TESC: variants seen among roughly 807,000 people sequenced by gnomAD.
The protein encoded by TESC is tescalcin.
Under a neutral mutation model 31.0 loss-of-function variants are expected in TESC, and 19 were observed. The ratio of observed to expected loss-of-function variants is 0.61; its 90% confidence interval spans 0.43 to 0.90. The LOEUF (loss-of-function observed/expected upper bound fraction) is 0.90, where lower values mean the gene tolerates loss of function less well. TESC is among the 40% of genes least tolerant of loss of function. TESC has a pLI of 0.00. For synonymous variants in TESC, 109 were observed against 114.8 expected (o/e 0.95, Z 0.32); for missense variants, 248 against 303.8 (o/e 0.82, Z 1.36).
intron 1 of TESC, chr12:117,084,040 G>A (rs1955183704): frequency 6.7e-6 from 1 of 149,640 alleles, no homozygotes; most frequent in Admixed American, 6.7e-5. Context: ...GTTGCAGTGA[G>A]CTGAGATAGC....
intron 1 of TESC, among the ~76,000 whole-genome samples, chr12:117,085,583 C>T (rs983633336): frequency 6.6e-6 from 1 of 152,192 alleles, no homozygotes; most frequent in Non-Finnish European, 1.5e-5. Context: ...AGGGGCATCA[C>T]TGGGGGGCTC....
chr12:117,040,690 G>A (rs1166567549), intron 7 of TESC, among the ~76,000 whole-genome samples: 4 of 152,146 alleles, frequency 2.6e-5, no homozygotes, highest in Non-Finnish European at 4.4e-5. Flanking sequence ...TGCCAGCCCC[G>A]GGGTGGGCCA....
At position 117,098,933 on chromosome 12, in the gene TESC, G is replaced by A. The variant is rs917568069; in HGVS notation, c.58+292C>T. Among the ~76,000 whole-genome samples, 19 of 152,056 alleles carry A rather than the reference G, an allele frequency of 1.2e-4. 1 individual carries two copies. The highest frequency in any genetic ancestry group is 1.2e-3 in the Admixed American group (19 of 15,264). The stretch of plus-strand genomic sequence containing the variant: ...CCGCCCGGCCTGAGGCACCTGCCCT[G>A]CGCTTGGGAAGCCTGGGCCCCGCTC... On this transcript the variant is annotated intron_variant, in intron 1 of 7. Transcript: ENST00000335209.
intron 2 of TESC, among the ~76,000 whole-genome samples, chr12:117,064,061 A>C (rs1257933350): frequency 6.6e-6 from 1 of 152,146 alleles, no homozygotes; most frequent in Admixed American, 6.6e-5. Flanking sequence ...AGCAGCTGGG[A>C]CTACAGGTGT....
chr12:117,067,949 C>T (rs969217474), intron 2 of TESC, among the ~76,000 whole-genome samples: 3 of 152,140 alleles, frequency 2.0e-5, no homozygotes, highest in Non-Finnish European at 4.4e-5. Context: ...GGCTGGAGTG[C>T]AGTGGCAAGA....
chr12:117,046,945 A>G (rs1954576113), intron 4 of TESC, 107 bp from the exon 5 acceptor site: 4 of 1,184,692 alleles, frequency 3.4e-6, no homozygotes, highest in Non-Finnish European at 3.6e-6. Flanking sequence ...CCAAACCTCA[A>G]TGCCAAAGCC....
intron 1 of TESC, chr12:117,098,706 C>T (rs953598371): frequency 6.6e-6 from 1 of 152,370 alleles, no homozygotes; most frequent in Non-Finnish European, 1.5e-5. Context: ...ATGAGGCTGC[C>T]TGAACCCATT....
intron 1 of TESC, 127 bp downstream of exon 1, chr12:117,099,098 G>A (rs1194025107): frequency 2.0e-6 from 2 of 1,018,680 alleles, no homozygotes; most frequent in East Asian, 6.7e-5. Context: ...AAGAGGAGGA[G>A]ACTGAGGCGC....
chr12:117,066,538 G>GT, intron 2 of TESC, among the ~76,000 whole-genome samples: 1 of 151,846 alleles, frequency 6.6e-6, no homozygotes, highest in Non-Finnish European at 1.5e-5. Flanking sequence ...CGCCTGGCTA[G>GT]TTTTTTGTAT....
intron 1 of TESC, among the ~76,000 whole-genome samples, chr12:117,075,885 A>ATGTGTG: frequency 4.3e-5 from 2 of 46,224 alleles, no homozygotes; most frequent in East Asian, 8.2e-4. Flanking sequence ...GTATATATAT[A>ATGTGTG]TATATATATA....
At chr12:117,096,973 A>G (rs1955404748) in intron 1 of TESC, among the ~76,000 whole-genome samples, 1 of 152,198 alleles carries the variant, frequency 6.6e-6, no homozygotes, top group Admixed American at 6.5e-5. Context: ...GATCCACCCT[A>G]AAGCTCCATT....
intron 2 of TESC, among the ~76,000 whole-genome samples, chr12:117,073,326 C>T (rs187449090): frequency 8.5e-4 from 130 of 152,294 alleles, no homozygotes; most frequent in Admixed American, 4.2e-3. Context: ...GTGACTCTTC[C>T]GCTGGGCTCA....
chr12:117,041,478 G>A lies in TESC; in HGVS notation c.567+469C>T, dbSNP rs573402713. Among the ~76,000 whole-genome samples, 146 of 151,978 alleles carry A rather than the reference G, an allele frequency of 9.6e-4. 1 individual carries two copies. Among genetic ancestry groups the A allele is most frequent in the Middle Eastern group, 3.4e-3 (1 of 292 alleles). On this transcript the variant is annotated intron_variant, in intron 7 of 7. Transcript: ENST00000335209. ...CTCCCGAGTAGCTGGGATTACAGGC[G>A]CCTGCCACCACGCTTGGCTAAGTTT...
At chr12:117,066,373 ATT>A (rs55744717) in intron 2 of TESC, among the ~76,000 whole-genome samples, 4 of 129,606 alleles carry the variant, frequency 3.1e-5, no homozygotes, top group Non-Finnish European at 1.6e-5. Flanking sequence ...TGAATGGCTA[ATT>A]TTTTTTTTTT....
chr12:117,047,574 G>A (rs968107079), intron 4 of TESC, among the ~76,000 whole-genome samples: 6 of 151,980 alleles, frequency 3.9e-5, no homozygotes, highest in Non-Finnish European at 5.9e-5. Flanking sequence ...ACAGGTGCAC[G>A]CCGCCATGCC....
chr12:117,047,969 C>T (rs1447122846), intron 4 of TESC, among the ~76,000 whole-genome samples: 7 of 152,048 alleles, frequency 4.6e-5, no homozygotes, highest in Non-Finnish European at 1.0e-4. Flanking sequence ...GCCCTGAACT[C>T]GTGGCTTCAA....
chr12:117,057,247 C>A (rs561861394), intron 2 of TESC, among the ~76,000 whole-genome samples: 2 of 151,926 alleles, frequency 1.3e-5, no homozygotes, highest in Non-Finnish European at 2.9e-5. Context: ...GACAGATGCA[C>A]GCCGCCATGC....
intron 7 of TESC, among the ~76,000 whole-genome samples, chr12:117,041,704 C>T (rs1954486188): frequency 6.6e-6 from 1 of 152,220 alleles, no homozygotes; most frequent in African/African-American, 2.4e-5. Context: ...ACACTATATA[C>T]CCTTTTGTAC....
At chr12:117,082,220 T>C (rs894455960) in intron 1 of TESC, among the ~76,000 whole-genome samples, 1 of 151,264 alleles carries the variant, frequency 6.6e-6, no homozygotes, top group East Asian at 2.0e-4. Flanking sequence ...AGAAAAGAAA[T>C]TGGCTGGGCG....
Sources: allele counts gnomAD v4.1 joint callset (sites outside exome capture counted in the v4.1 genomes callset), GRCh38; gene constraint gnomAD v4.1.1; transcripts MANE v1.5; gene names NCBI Gene and HGNC (gene_info 2026-07-23, HGNC 2026-07-21).